Variants in HOXC4 observed in about 807,000 individuals in gnomAD.
HOXC4 encodes homeobox protein Hox-C4.
HOXC4 carries 15 observed loss-of-function variants against 25.5 expected under a neutral mutation model. The ratio of observed to expected loss-of-function variants is 0.59; its 90% CI spans 0.39 to 0.91. HOXC4 has a LOEUF of 0.91. Ranked by LOEUF, HOXC4 falls within the 40% of genes least tolerant of loss-of-function variation. The probability of loss-of-function intolerance (pLI) is 0.00; values close to 1 mark genes in which losing one functional copy is unlikely to be tolerated. For missense variants in HOXC4, 342 were observed against 352.4 expected, an observed-to-expected ratio of 0.97 and a Z score of 0.24; for synonymous variants, 165 against 148.0, an observed-to-expected ratio of 1.11 and a Z score of -0.83.
upstream of HOXC4, among the ~76,000 whole-genome samples, chr12:54,049,824 AT>A (rs1455767301): frequency 3.6e-4 from 55 of 150,900 alleles, no homozygotes; most frequent in African/African-American, 1.1e-3. Flanking sequence ...ATGAGCCTTG[AT>A]TTAGTTTTGG....
intron 1 of HOXC4, among the ~76,000 whole-genome samples, chr12:54,031,308 C>G (rs1430934382): frequency 6.6e-6 from 1 of 152,176 alleles, no homozygotes; most frequent in African/African-American, 2.4e-5. Context: ...CGAAACGTAG[C>G]GGAGGCGGAG....
At chr12:54,018,833 C>T (rs1401223677) in intron 1 of HOXC4, among the ~76,000 whole-genome samples, 1 of 152,166 alleles carries the variant, frequency 6.6e-6, no homozygotes, top group Non-Finnish European at 1.5e-5. Context: ...AGCCAAGACA[C>T]CCCCTCTACC....
At chr12:54,029,742 A>G (rs548281243) in intron 1 of HOXC4, 5 of 1,614,216 alleles carry the variant, frequency 3.1e-6, no homozygotes, top group East Asian at 2.2e-5. Flanking sequence ...TTTCACTTCA[A>G]TCGCTACCTA....
upstream of HOXC4, among the ~76,000 whole-genome samples, chr12:54,049,219 T>C (rs1937788172): frequency 6.6e-6 from 1 of 152,196 alleles, no homozygotes; most frequent in Admixed American, 6.5e-5. Flanking sequence ...TTATAACTAG[T>C]TATTGAACTC....
At chr12:54,023,660 C>T (rs992368370) in intron 1 of HOXC4, among the ~76,000 whole-genome samples, 3 of 152,146 alleles carry the variant, frequency 2.0e-5, no homozygotes, top group Non-Finnish European at 2.9e-5. Context: ...CTGGTCAGCC[C>T]GGGCCCTGTC....
intron 1 of HOXC4, 43 bp from the exon 2 acceptor site, chr12:54,054,807 T>C: frequency 7.3e-7 from 1 of 1,367,626 alleles, no homozygotes. Flanking sequence ...GCGGGGAGCC[T>C]GCTGCCTCTG....
At chr12:54,018,087 C>G (rs1369109060) in intron 1 of HOXC4, among the ~76,000 whole-genome samples, 1 of 152,090 alleles carries the variant, frequency 6.6e-6, no homozygotes, top group Non-Finnish European at 1.5e-5. Flanking sequence ...CTGCCCACCC[C>G]CTGCTCCCGC....
chr12:54,034,148 G>A (rs1941108584), intron 1 of HOXC4: 2 of 898,622 alleles, frequency 2.2e-6, no homozygotes, highest in African/African-American at 1.6e-5. Context: ...CCTGCGGCCC[G>A]CGTGGCCTGT....
rs759286609 is a variant in HOXC4 at position 54,055,957 on chromosome 12, G to T, written c.*752G>T. ...AATTTACTTGATTATTGTAAAACTT[G>T]CAATAAAGAATTTTAGTGTCGATGT... is the stretch of plus-strand genomic sequence containing the variant. On this transcript the variant is annotated 3_prime_UTR_variant, in exon 2 of 2. Coordinates refer to ENST00000430889, the MANE Select transcript of HOXC4 (RefSeq NM_153633.3). 3.3e-5 allele frequency: 5 copies of T among 152,570 alleles called. No individual in the cohort carries two copies. Among genetic ancestry groups the T allele is most frequent in the Non-Finnish European group, 7.4e-5 (5 of 68,024 alleles). The allele number at this position is 152,570 out of a possible 1,614,324, so 9.5% of individuals were successfully genotyped here.
upstream of HOXC4, chr12:54,053,051 T>C (rs1370521424): frequency 2.0e-5 from 3 of 152,548 alleles, no homozygotes; most frequent in Non-Finnish European, 4.4e-5. Context: ...AAGCCAGCAG[T>C]AGAAGAGATC....
intron 1 of HOXC4, chr12:54,034,077 C>A (rs1463970191): frequency 1.4e-6 from 1 of 712,482 alleles, no homozygotes; most frequent in Admixed American, 2.0e-5. Flanking sequence ...GTGAAGGCTG[C>A]GGTGGAAAGT....
At chr12:54,022,387 C>A (rs904846591) in intron 1 of HOXC4, 2 of 152,166 alleles carry the variant, frequency 1.3e-5, no homozygotes, top group African/African-American at 4.8e-5. Flanking sequence ...TGTCTCCAAT[C>A]CTGCCAGGTG....
upstream of HOXC4, chr12:54,053,536 C>G (rs1229804445): frequency 1.4e-5 from 3 of 220,492 alleles, no homozygotes; most frequent in East Asian, 4.0e-4. Flanking sequence ...TGAGGGGAGA[C>G]CCTGGGCGGG....
intron 1 of HOXC4, chr12:54,021,931 C>T (rs1413713687): frequency 1.3e-5 from 2 of 152,374 alleles, no homozygotes; most frequent in Non-Finnish European, 2.9e-5. Flanking sequence ...CCCCTCCTGC[C>T]CTCACAAGCT....
At chr12:54,031,030 G>A (rs1274530658) in intron 1 of HOXC4, among the ~76,000 whole-genome samples, 3 of 152,232 alleles carry the variant, frequency 2.0e-5, no homozygotes, top group Non-Finnish European at 4.4e-5. Flanking sequence ...CTCCCTGCGC[G>A]GAGCAACACA....
At chr12:54,033,536 A>G in intron 1 of HOXC4, 5 of 1,598,384 alleles carry the variant, frequency 3.1e-6, no homozygotes, top group Non-Finnish European at 4.2e-6. Flanking sequence ...CGGCCCCGCC[A>G]CAGATTTACC....
chr12:54,037,768 C>G (rs1018667655), intron 1 of HOXC4: 4 of 152,184 alleles, frequency 2.6e-5, no homozygotes, highest in African/African-American at 9.7e-5. Context: ...ATGTGAATAG[C>G]CTGAAGGCAA....
At chr12:54,044,769 T>C (rs1432756914) in intron 1 of HOXC4, among the ~76,000 whole-genome samples, 1 of 152,008 alleles carries the variant, frequency 6.6e-6, no homozygotes, top group East Asian at 1.9e-4. Flanking sequence ...CTCACATCTC[T>C]ATGTACCAAA....
upstream of HOXC4, among the ~76,000 whole-genome samples, chr12:54,050,451 G>A (rs1021115906): frequency 6.6e-6 from 1 of 152,182 alleles, no homozygotes; most frequent in African/African-American, 2.4e-5. Flanking sequence ...CAGAGGTGCA[G>A]CCCCTGGGCC....
Sources: gnomAD v4.1 joint callset for allele counts (sites outside exome capture counted in the v4.1 genomes callset) on GRCh38, gnomAD v4.1.1 for gene constraint, MANE v1.5 for transcripts, NCBI Gene and HGNC (gene_info 2026-07-23, HGNC 2026-07-21) for gene names.